FANCD2: variants seen among roughly 807,000 people sequenced by gnomAD.
The protein encoded by FANCD2 is Fanconi anemia group D2 protein.
Under a neutral mutation model 192.3 loss-of-function variants are expected in FANCD2, and 131 were observed. The ratio of observed to expected loss-of-function variants is 0.68; its 90% CI spans 0.59 to 0.79. FANCD2 has a LOEUF of 0.79. Among genes scored for constraint, FANCD2 ranks in the 30% least tolerant of loss-of-function variants. FANCD2 has a pLI of 0.00. For synonymous variants in FANCD2, 524 were observed against 612.5 expected (o/e 0.86, Z 2.13); for missense variants, 1,508 against 1,701.6 (o/e 0.89, Z 2.00).
At chr3:10,041,843 T>A in intron 10 of FANCD2, 133 bp downstream of exon 10, 1 of 100,906 alleles carries the variant, frequency 9.9e-6, no homozygotes, top group Non-Finnish European at 1.8e-5. Context: ...GATATCTCTC[T>A]TTTTTTTTTT....
intron 26 of FANCD2, among the ~76,000 whole-genome samples, chr3:10,071,532 T>G (rs1219575336): frequency 6.6e-6 from 1 of 152,194 alleles, no homozygotes. Flanking sequence ...TCCTGTTGTT[T>G]GCAACAATAC....
chr3:10,068,740 A>C (rs1205866748), intron 26 of FANCD2, among the ~76,000 whole-genome samples: 1 of 152,172 alleles, frequency 6.6e-6, no homozygotes, highest in Admixed American at 6.5e-5. Context: ...ACCTGACTTC[A>C]AATTATACTA....
intron 28 of FANCD2, 31 bp downstream of exon 28, chr3:10,073,393 T>C: frequency 6.9e-7 from 1 of 1,440,958 alleles, no homozygotes; most frequent in Non-Finnish European, 9.8e-7. Flanking sequence ...CGTGAAGGTT[T>C]GTGACATCCC....
chr3:10,075,778 T>A (rs1693503206), intron 29 of FANCD2, among the ~76,000 whole-genome samples: 1 of 133,842 alleles, frequency 7.5e-6, no homozygotes, highest in African/African-American at 2.9e-5. Flanking sequence ...TTGCACAGGC[T>A]GGAGTGCGGT....
At chr3:10,087,310 G>T (rs1170655154) in intron 34 of FANCD2, 46 bp downstream of exon 34, 3 of 1,502,154 alleles carry the variant, frequency 2.0e-6, no homozygotes, top group African/African-American at 1.5e-5. Context: ...TAATGAATAG[G>T]ACTAATATCT....
chr3:10,040,108 C>A (rs1249898844), intron 9 of FANCD2: 1 of 455,230 alleles, frequency 2.2e-6, no homozygotes, highest in East Asian at 3.7e-5. Flanking sequence ...GATCTCAGCT[C>A]ACTGCAACCT....
intron 41 of FANCD2, among the ~76,000 whole-genome samples, chr3:10,095,878 AT>A (rs397950663): frequency 0.057 from 7,105 of 125,690 alleles, 141 homozygotes; most frequent in Admixed American, 0.14. Context: ...CTGAACAGTG[AT>A]TTTTTTTTTT....
rs1462528377 is a variant in FANCD2, at chr3:10,064,872, A to G, written c.2165A>G (p.Gln722Arg). ...GGPVTSQESG[Q>R]KLVSPLCLAP... ...CCGGTGACCTCACAGGAATCAGGCC[A>G]AAAGTCAGTATAGTTTTTCTTTTCT... The change falls in exon 23 of 44, where the codon CAA becomes CGA. Residue 722 changes from glutamine (Q) to arginine (R), a missense_variant. Gln to Arg is a conservative substitution (Grantham distance 43). Around this residue, in one of 5 missense-constraint regions of FANCD2, gnomAD observed 796 missense variants for 879.4 expected, o/e 0.91. Transcript: ENST00000675286. 6.2e-7 allele frequency: 1 copy of G among 1,613,730 alleles called. No individual in the cohort carries two copies. The highest frequency in any genetic ancestry group is 8.5e-7 in the Non-Finnish European group (1 of 1,179,636).
At chr3:10,033,434 A>T (rs2086651073) in intron 3 of FANCD2, among the ~76,000 whole-genome samples, 1 of 152,116 alleles carries the variant, frequency 6.6e-6, no homozygotes, top group African/African-American at 2.4e-5. Flanking sequence ...AAAATGGTAC[A>T]GTCTTTGGTC....
intron 7 of FANCD2, among the ~76,000 whole-genome samples, chr3:10,038,908 C>T (rs534478169): frequency 6.6e-5 from 10 of 152,158 alleles, no homozygotes; most frequent in South Asian, 2.1e-4. Flanking sequence ...GCACTTACTG[C>T]GTTGATGTTA....
intron 7 of FANCD2, 71 bp downstream of exon 7, chr3:10,036,410 G>GA: frequency 8.7e-7 from 1 of 1,155,708 alleles, no homozygotes; most frequent in Non-Finnish European, 1.3e-6. Context: ...AGGTTACTCT[G>GA]AAAACTATTG....
At chr3:10,073,691 A>G (rs1259360642) in intron 28 of FANCD2, among the ~76,000 whole-genome samples, 3 of 152,326 alleles carry the variant, frequency 2.0e-5, no homozygotes, top group South Asian at 2.1e-4. Flanking sequence ...TGTTCGTAGA[A>G]TGAGTTTCAT....
chr3:10,047,160 G>GGATTT (rs1553608928), intron 15 of FANCD2, among the ~76,000 whole-genome samples: 2 of 151,738 alleles, frequency 1.3e-5, no homozygotes, highest in African/African-American at 2.4e-5. Context: ...CCAGTGGTTT[G>GGATTT]GGGTTTGGGT....
In FANCD2 at chr3:10,089,141, C is replaced by T. The variant is rs56252804; in HGVS notation, c.3683+191C>T. 8.6e-4 allele frequency among the ~76,000 whole-genome samples: 131 copies of T among 152,058 alleles called. 1 individual carries two copies. The South Asian group carries it at 0.018, about 21-fold the overall frequency. ...CCCTACTAAAAATACAAAAATTAGC[C>T]GGGCGTGGTGGCACATGCCTGTAAT... On this transcript the variant is annotated intron_variant, in intron 36 of 43. Transcript: ENST00000675286.
intron 30 of FANCD2, among the ~76,000 whole-genome samples, chr3:10,080,042 G>A (rs1422267181): frequency 6.6e-6 from 1 of 151,540 alleles, no homozygotes; most frequent in African/African-American, 2.4e-5. Context: ...AGCCTCCCGA[G>A]GAGCTGGGAC....
chr3:10,075,633 G>A (rs992404971), intron 29 of FANCD2, among the ~76,000 whole-genome samples: 15 of 151,434 alleles, frequency 9.9e-5, no homozygotes, highest in African/African-American at 3.6e-4. Flanking sequence ...TCATCAGAGA[G>A]TAGAATTTCT....
intron 42 of FANCD2, among the ~76,000 whole-genome samples, chr3:10,097,156 G>A (rs1695019054): frequency 6.6e-6 from 1 of 152,172 alleles, no homozygotes; most frequent in Non-Finnish European, 1.5e-5. Context: ...AATATCACAA[G>A]GCAAGTGGAG....
intron 18 of FANCD2, among the ~76,000 whole-genome samples, chr3:10,058,461 G>A (rs6809572): frequency 0.2 from 29,728 of 151,898 alleles, 3,358 homozygotes; most frequent in African/African-American, 0.31. Flanking sequence ...TCTAAGAGAA[G>A]GTTTTAGCTC....
chr3:10,061,936 C>T (rs779496643), intron 19 of FANCD2, among the ~76,000 whole-genome samples: 8 of 127,106 alleles, frequency 6.3e-5, no homozygotes, highest in African/African-American at 9.3e-5. Flanking sequence ...CACATGGACA[C>T]AGGAAAGGGA....
Sources: allele counts gnomAD v4.1 joint callset (sites outside exome capture counted in the v4.1 genomes callset), GRCh38; gene constraint gnomAD v4.1.1; regional missense constraint gnomAD v4.1.1; transcripts MANE v1.5; gene names NCBI Gene and HGNC (gene_info 2026-07-23, HGNC 2026-07-21).